The following UBE2G1 variants were observed in gnomAD, a reference collection of about 807,000 sequenced individuals.
UBE2G1 encodes ubiquitin-conjugating enzyme E2 G1.
Under a neutral mutation model 22.7 loss-of-function variants are expected in UBE2G1, and 5 were observed. That is an observed-to-expected ratio of 0.22 (90% CI 0.12 to 0.46). UBE2G1 has a LOEUF of 0.46. UBE2G1 is among the 20% of genes least tolerant of loss of function. The pLI is 0.99. For synonymous variants in UBE2G1, 74 were observed against 67.5 expected (o/e 1.10, Z -0.47); for missense variants, 88 against 203.9 (o/e 0.43, Z 3.46).
chr17:4,332,271 G>A (rs1010456651), intron 1 of UBE2G1, among the ~76,000 whole-genome samples: 2 of 151,476 alleles, frequency 1.3e-5, no homozygotes, highest in Non-Finnish European at 2.9e-5. Context: ...TTTTTCAACC[G>A]TAAGTCACAC....
intron 1 of UBE2G1, among the ~76,000 whole-genome samples, chr17:4,321,284 T>C (rs1405338933): frequency 1.3e-5 from 2 of 151,994 alleles, no homozygotes. Context: ...TTTACTTCAA[T>C]GTATTATCCC....
At chr17:4,298,863 C>T (rs917973955) in intron 2 of UBE2G1, among the ~76,000 whole-genome samples, 1 of 152,160 alleles carries the variant, frequency 6.6e-6, no homozygotes, top group African/African-American at 2.4e-5. Flanking sequence ...CTTTTCACAA[C>T]TGATGAGGTT....
At chr17:4,315,763 AAAAC>A (rs891100829) in intron 1 of UBE2G1, among the ~76,000 whole-genome samples, 6 of 146,492 alleles carry the variant, frequency 4.1e-5, no homozygotes, top group South Asian at 2.2e-4. Context: ...ACAAAAAACA[AAAAC>A]AAACAAACAA....
At chr17:4,354,547 G>A (rs1969882944) in intron 1 of UBE2G1, among the ~76,000 whole-genome samples, 3 of 152,188 alleles carry the variant, frequency 2.0e-5, no homozygotes. Context: ...TGAGAAGGCT[G>A]AGAAGGAAAG....
chr17:4,357,519 GGT>G (rs1969921611), intron 1 of UBE2G1, among the ~76,000 whole-genome samples: 11 of 61,594 alleles, frequency 1.8e-4, no homozygotes, highest in African/African-American at 6.4e-4. Flanking sequence ...GGGGGGGGGG[GGT>G]GGGTGTATAA....
At chr17:4,309,922 T>A (rs12603692) in intron 1 of UBE2G1, among the ~76,000 whole-genome samples, 26 of 152,042 alleles carry the variant, frequency 1.7e-4, no homozygotes, top group African/African-American at 3.6e-4. Flanking sequence ...CCCCAAGTTC[T>A]TGAAATCTTT....
chr17:4,279,384 A>C (rs563453564), intron 5 of UBE2G1, among the ~76,000 whole-genome samples: 40 of 152,150 alleles, frequency 2.6e-4, no homozygotes, highest in Admixed American at 7.9e-4. Flanking sequence ...GAAAGCAAGG[A>C]CTTGTCAATA....
chr17:4,315,606 G>A (rs1452898328), intron 1 of UBE2G1, among the ~76,000 whole-genome samples: 4 of 151,318 alleles, frequency 2.6e-5, no homozygotes, highest in African/African-American at 9.7e-5. Flanking sequence ...CGGGCGTGGT[G>A]GCGGGCGCCT....
chr17:4,363,574 T>C (rs1229235918), intron 1 of UBE2G1, among the ~76,000 whole-genome samples: 1 of 152,206 alleles, frequency 6.6e-6, no homozygotes, highest in Non-Finnish European at 1.5e-5. Flanking sequence ...ACATTGCTGC[T>C]GCTGACATTG....
intron 1 of UBE2G1, among the ~76,000 whole-genome samples, chr17:4,353,432 T>C (rs1386870572): frequency 2.0e-5 from 3 of 149,814 alleles, no homozygotes; most frequent in Non-Finnish European, 2.9e-5. Flanking sequence ...ACCCCATATA[T>C]ATATAGAGTT....
chr17:4,340,415 T>TTA (rs1170393929), intron 1 of UBE2G1, among the ~76,000 whole-genome samples: 1 of 152,170 alleles, frequency 6.6e-6, no homozygotes, highest in Non-Finnish European at 1.5e-5. Flanking sequence ...TGTTCCCACT[T>TTA]TATCTGCACT....
rs372411029 is a variant in UBE2G1 at position 4,302,039 on chromosome 17, AC to A, written c.149+4981del. On this transcript the variant is annotated intron_variant, in intron 2 of 5. Transcript: ENST00000396981. The stretch of plus-strand genomic sequence containing the variant: ...GAATCCTTCATAAAGAACAACAACA[AC>A]AAAAAAAGGGGGGGGAAGTTTTTAC... 3,188 of 438,280 alleles carry A rather than the reference AC, an allele frequency of 7.3e-3. 11 individuals are homozygous for A. Among genetic ancestry groups the A allele is most frequent in the South Asian group, 0.011 (603 of 55,886 alleles). The allele number at this position is 438,280 out of a possible 1,614,324, so 27.1% of individuals were successfully genotyped here.
chr17:4,288,883 A>T (rs2143696439), intron 4 of UBE2G1, among the ~76,000 whole-genome samples: 1 of 152,196 alleles, frequency 6.6e-6, no homozygotes, highest in East Asian at 1.9e-4. Context: ...TACAATAAAT[A>T]TGCACTTTTG....
At chr17:4,355,640 C>A (rs1257653097) in intron 1 of UBE2G1, among the ~76,000 whole-genome samples, 5 of 139,276 alleles carry the variant, frequency 3.6e-5, no homozygotes, top group African/African-American at 1.4e-4. Flanking sequence ...GAAACTCCAT[C>A]TCAAAAAAAA....
rs76033667 is a variant in UBE2G1, at chr17:4,291,945, C to T, written c.248-2537G>A. On this transcript the variant is annotated intron_variant, in intron 3 of 5. Transcript: ENST00000396981. ...CTTAATGTTTACTTTCCTCTTGCCA[C>T]GGTGTTTCTTAGTTTTCCCCATATA... 1.4e-3 allele frequency among the ~76,000 whole-genome samples: 212 copies of T among 152,248 alleles called. 2 individuals are homozygous for T. The highest frequency in any genetic ancestry group is 0.011 in the East Asian group (56 of 5,182).
rs760969367 is a variant in UBE2G1 at position 4,282,874 on chromosome 17, G to T, written c.474C>A (p.Ala158=). Residue 158 remains alanine, a synonymous_variant, in exon 5 of 6, where the codon GCC becomes GCA. Transcript: ENST00000396981. ...DRNGEFKRKV[A]RCVRKSQETA... Reference sequence around the variant, plus strand: ...TCTCTTGGCTTTTTCTTACACAGCGGGCAACTTTTCTTTTAAATTCTCCAT... The same window carrying T: ...TCTCTTGGCTTTTTCTTACACAGCGTGCAACTTTTCTTTTAAATTCTCCAT... 1.2e-6 allele frequency: 2 copies of T among 1,613,142 alleles called. No individual in the cohort carries two copies. Among genetic ancestry groups the T allele is most frequent in the Non-Finnish European group, 1.7e-6 (2 of 1,179,624 alleles).
At position 4,304,930 on chromosome 17, in the gene UBE2G1, T is replaced by C. The variant is rs1969230782; in HGVS notation, c.149+2091A>G. Among the ~76,000 whole-genome samples the C allele has an allele frequency of 2.0e-5, 3 of 151,984 alleles. No individual in the cohort carries two copies. In the South Asian group the frequency reaches 6.2e-4, roughly 31 times the overall value. ...AATAATTACAAGAACCTCACTACTT[T>C]CTGCTAAGAAGTTTTTTAAGAACTT... is the stretch of plus-strand genomic sequence containing the variant. On this transcript the variant is annotated intron_variant, in intron 2 of 5. Transcript: ENST00000396981.
intron 1 of UBE2G1, among the ~76,000 whole-genome samples, chr17:4,309,278 T>G (rs926751239): frequency 1.6e-4 from 24 of 152,136 alleles, no homozygotes; most frequent in Admixed American, 6.5e-5. Flanking sequence ...AATAAAAAAT[T>G]TATGTTTAAA....
chr17:4,310,301 C>A (rs1318495912), intron 1 of UBE2G1, among the ~76,000 whole-genome samples: 1 of 152,032 alleles, frequency 6.6e-6, no homozygotes, highest in Non-Finnish European at 1.5e-5. Flanking sequence ...CTCCTGATCC[C>A]CAGAGAAGTA....
Sources: allele counts gnomAD v4.1 joint callset (sites outside exome capture counted in the v4.1 genomes callset), GRCh38; gene constraint gnomAD v4.1.1; transcripts MANE v1.5; gene names NCBI Gene and HGNC (gene_info 2026-07-23, HGNC 2026-07-21).